Variants in KAZN observed in about 807,000 individuals in gnomAD.
KAZN encodes the protein kazrin.
KAZN carries 40 observed loss-of-function variants against 87.4 expected under a neutral mutation model. The ratio of observed to expected loss-of-function variants is 0.46; its 90% CI spans 0.36 to 0.60. The LOEUF is 0.60. Ranked by LOEUF, KAZN falls within the 20% of genes least tolerant of loss-of-function variation. The pLI is 0.00. For synonymous variants in KAZN, 466 were observed against 458.3 expected, an observed-to-expected ratio of 1.02 and a Z score of -0.22; for missense variants, 898 against 1,073.9, an observed-to-expected ratio of 0.84 and a Z score of 2.29.
chr1:15,094,848 C>A lies in KAZN; in HGVS notation c.1462C>A (p.Leu488Met). 1 of 1,550,550 alleles carries A rather than the reference C, an allele frequency of 6.4e-7. No homozygotes were observed. The highest frequency in any genetic ancestry group is 1.4e-5 in the African/African-American group (1 of 73,168). Residue 488 changes from leucine to methionine, a missense_variant, in exon 10 of 15, where the codon CTG (leucine) becomes ATG (methionine). Transcript: ENST00000376030. This position sits in a 1 kb window ranked among gnomAD's most constrained non-coding sequence, Gnocchi z 4.5. ...LLSLSDEDLQLGLGVCSSLHR... is the reference protein window; with the variant it reads ...LLSLSDEDLQMGLGVCSSLHR... The stretch of plus-strand genomic sequence containing the variant: ...GAGCCTGAGTGACGAGGACCTGCAG[C>A]TGGGCCTTGGGGTGTGCAGCTCCCT...
intron 2 of KAZN, among the ~76,000 whole-genome samples, chr1:14,335,812 CAG>C (rs1342464285): frequency 6.6e-6 from 1 of 151,774 alleles, no homozygotes; most frequent in East Asian, 1.9e-4. Flanking sequence ...GATGGAAGGA[CAG>C]AAAGTCAGAG....
At chr1:15,087,335 C>T (rs1247249323) in intron 8 of KAZN, among the ~76,000 whole-genome samples, 5 of 136,914 alleles carry the variant, frequency 3.7e-5, no homozygotes, top group African/African-American at 1.2e-4. Context: ...AAATAATTTA[C>T]ATTCTTTTTT....
At chr1:14,765,941 C>G (rs1409794389) in intron 1 of KAZN, among the ~76,000 whole-genome samples, 1 of 152,214 alleles carries the variant, frequency 6.6e-6, no homozygotes, top group Non-Finnish European at 1.5e-5. Flanking sequence ...AGCGCCAGCA[C>G]TGCCAGCCAT....
chr1:14,464,327 T>C (rs904566911), intron 2 of KAZN, among the ~76,000 whole-genome samples: 10 of 152,214 alleles, frequency 6.6e-5, no homozygotes, highest in African/African-American at 4.8e-5. Context: ...TTCAGGTTTT[T>C]GCATGAAATC....
At chr1:14,570,701 G>C (rs556871880) in intron 2 of KAZN, among the ~76,000 whole-genome samples, 1 of 152,180 alleles carries the variant, frequency 6.6e-6, no homozygotes, top group Non-Finnish European at 1.5e-5. Context: ...ATTCATCGAC[G>C]AGTGTTTGTG....
At chr1:14,478,634 T>A (rs1222952257) in intron 2 of KAZN, among the ~76,000 whole-genome samples, 1 of 152,246 alleles carries the variant, frequency 6.6e-6, no homozygotes, top group Non-Finnish European at 1.5e-5. Flanking sequence ...CCATCCTCAA[T>A]GAATCTGCCA....
chr1:14,466,858 A>G (rs1031716930), intron 2 of KAZN, among the ~76,000 whole-genome samples: 1 of 152,126 alleles, frequency 6.6e-6, no homozygotes, highest in Non-Finnish European at 1.5e-5. Context: ...GGTCCCAGCT[A>G]CTTGGGAGGC....
intron 1 of KAZN, among the ~76,000 whole-genome samples, chr1:14,680,931 G>A (rs1002314004): frequency 6.6e-5 from 10 of 152,208 alleles, no homozygotes; most frequent in African/African-American, 1.7e-4. Context: ...TGGTGCTGGC[G>A]TGCTTGGCTT....
chr1:14,090,573 T>C (rs771866411), intron 1 of KAZN, among the ~76,000 whole-genome samples: 11 of 152,216 alleles, frequency 7.2e-5, no homozygotes, highest in Admixed American at 5.2e-4. Context: ...AATGCTCTTG[T>C]TTATTAACTC....
intron 1 of KAZN, among the ~76,000 whole-genome samples, chr1:14,932,110 C>G (rs1479721779): frequency 2.6e-5 from 4 of 152,196 alleles, no homozygotes; most frequent in African/African-American, 9.6e-5. Flanking sequence ...ATTCCTGGCT[C>G]CTTGAGCCCC....
intron 1 of KAZN, among the ~76,000 whole-genome samples, chr1:14,803,437 C>G (rs995691261): frequency 3.9e-5 from 6 of 152,300 alleles, no homozygotes; most frequent in African/African-American, 1.4e-4. Flanking sequence ...GGAAAAGGAC[C>G]AGGGAGTGAG....
intron 2 of KAZN, among the ~76,000 whole-genome samples, chr1:15,012,196 ACT>A (rs1044160187): frequency 2.6e-5 from 4 of 151,838 alleles, no homozygotes; most frequent in African/African-American, 9.7e-5. Flanking sequence ...AGTAGAGAAC[ACT>A]CTACTCACAC....
chr1:13,987,643 A>G (rs908955199), intron 1 of KAZN, among the ~76,000 whole-genome samples: 10 of 152,194 alleles, frequency 6.6e-5, no homozygotes, highest in East Asian at 5.8e-4. Context: ...ATATGGCACA[A>G]GACATCACAT....
chr1:14,639,180 G>A (rs775788515), intron 1 of KAZN, among the ~76,000 whole-genome samples: 3 of 152,102 alleles, frequency 2.0e-5, no homozygotes, highest in East Asian at 1.9e-4. Flanking sequence ...TGATGCACTC[G>A]GTCAGGGCTC....
chr1:14,024,528 T>C (rs1383700447), intron 1 of KAZN, among the ~76,000 whole-genome samples: 1 of 152,244 alleles, frequency 6.6e-6, no homozygotes. Context: ...AAGGGATGCA[T>C]TCTGCCCCTC....
intron 1 of KAZN, among the ~76,000 whole-genome samples, chr1:14,898,454 T>G (rs534064074): frequency 6.6e-6 from 1 of 152,236 alleles, no homozygotes; most frequent in African/African-American, 2.4e-5. Context: ...AAGCATCTGG[T>G]GTCTACGTCT....
chr1:14,064,792 C>T lies in KAZN; in HGVS notation c.92-115643C>T, dbSNP rs530552656. On this transcript the variant is annotated intron_variant, in intron 1 of 16. Coordinates refer to the KAZN transcript ENST00000636203. ...GCTCAGGTGACTGTGCTTCTCCCTC[C>T]CCGCTGCTCGGTGGTGGAGTTTGGG... 1.7e-3 allele frequency among the ~76,000 whole-genome samples: 257 copies of T among 152,222 alleles called. 2 individuals carry two copies. Among genetic ancestry groups the T allele is most frequent in the African/African-American group, 5.9e-3 (245 of 41,554 alleles).
At chr1:14,875,786 G>T (rs2101078227) in intron 1 of KAZN, among the ~76,000 whole-genome samples, 1 of 152,334 alleles carries the variant, frequency 6.6e-6, no homozygotes, top group South Asian at 2.1e-4. Flanking sequence ...TTAAACACTT[G>T]CCAGTACACC....
At chr1:15,108,356 G>C (rs1470275094) in intron 13 of KAZN, among the ~76,000 whole-genome samples, 1 of 152,222 alleles carries the variant, frequency 6.6e-6, no homozygotes, top group Non-Finnish European at 1.5e-5. Context: ...CAGAGGCGTG[G>C]GCCTGTGTGC....
Sources: gnomAD v4.1 joint callset for allele counts (sites outside exome capture counted in the v4.1 genomes callset) on GRCh38, gnomAD v4.1.1 for gene constraint, Gnocchi (gnomAD v3.1) non-coding constraint, MANE v1.5 for transcripts, NCBI Gene and HGNC (gene_info 2026-07-23, HGNC 2026-07-21) for gene names.